The following MARCHF1 variants were observed in gnomAD, a reference collection of about 807,000 sequenced individuals.
The protein encoded by MARCHF1 is membrane associated ring-CH-type finger 1, also known as E3 ubiquitin-protein ligase MARCHF1.
MARCHF1 carries 40 observed loss-of-function variants against 54.2 expected under a neutral mutation model. The ratio of observed to expected loss-of-function variants is 0.74; its 90% CI spans 0.57 to 0.96. MARCHF1 has a LOEUF of 0.96. Ranked by LOEUF, MARCHF1 falls within the 40% of genes least tolerant of loss-of-function variation. MARCHF1 has a pLI of 0.00. For synonymous variants in MARCHF1, 236 were observed against 236.3 expected (o/e 1.00, Z 0.01); for missense variants, 586 against 656.5 (o/e 0.89, Z 1.17).
intron 3 of MARCHF1, among the ~76,000 whole-genome samples, chr4:163,952,865 C>T (rs1347451076): frequency 6.6e-6 from 1 of 152,092 alleles, no homozygotes; most frequent in Non-Finnish European, 1.5e-5. Flanking sequence ...AGGTGAGAAG[C>T]TCTGAGGTTA....
chr4:164,318,181 A>G (rs1377895443), intron 1 of MARCHF1, among the ~76,000 whole-genome samples: 1 of 152,224 alleles, frequency 6.6e-6, no homozygotes, highest in Non-Finnish European at 1.5e-5. Context: ...CATTTATAAC[A>G]AGTCTTTGCA....
intron 8 of MARCHF1, chr4:163,583,820 T>C (rs2110816250): frequency 1.3e-5 from 2 of 151,628 alleles, no homozygotes; most frequent in Admixed American, 1.3e-4. Flanking sequence ...AGGTTAATTT[T>C]TTTTTTTTAA....
At chr4:163,879,578 T>C (rs1750369584) in intron 3 of MARCHF1, among the ~76,000 whole-genome samples, 1 of 152,156 alleles carries the variant, frequency 6.6e-6, no homozygotes, top group Admixed American at 6.5e-5. Context: ...AAATAGTTTG[T>C]GTATGTGTGC....
chr4:164,028,104 T>C (rs1381942139), intron 2 of MARCHF1, among the ~76,000 whole-genome samples: 1 of 152,188 alleles, frequency 6.6e-6, no homozygotes, highest in African/African-American at 2.4e-5. Flanking sequence ...GAAAAGGGAA[T>C]GCTTATGCAG....
intron 5 of MARCHF1, among the ~76,000 whole-genome samples, chr4:163,627,591 T>C (rs546396824): frequency 6.6e-6 from 1 of 152,264 alleles, no homozygotes; most frequent in South Asian, 2.1e-4. Flanking sequence ...TTAAGTATCG[T>C]TCAATCTTAT....
chr4:164,083,955 T>C (rs1755148784), intron 2 of MARCHF1, among the ~76,000 whole-genome samples: 1 of 152,062 alleles, frequency 6.6e-6, no homozygotes, highest in South Asian at 2.1e-4. Flanking sequence ...TAATTTTTGC[T>C]TTTGTTTTTG....
chr4:164,294,537 C>A (rs78371948), intron 1 of MARCHF1, among the ~76,000 whole-genome samples: 1 of 152,244 alleles, frequency 6.6e-6, no homozygotes, highest in East Asian at 1.9e-4. Context: ...TGCTTCCTAA[C>A]GTTTTCTACA....
intron 1 of MARCHF1, among the ~76,000 whole-genome samples, chr4:164,280,105 T>G (rs541822271): frequency 9.5e-4 from 145 of 152,068 alleles, no homozygotes; most frequent in African/African-American, 3.4e-3. Context: ...TTATAGAGGT[T>G]AAAAACCTCT....
At position 163,586,852 on chromosome 4, in the gene MARCHF1, A is replaced by G. The variant is rs1579087457; in HGVS notation, c.1011-923T>C. On this transcript the variant is annotated intron_variant, in intron 7 of 9. Coordinates refer to ENST00000514618, the MANE Select transcript of MARCHF1 (RefSeq NM_001394959.1). ...AAAATTCTCAAAAATTTTAAAGTAT[A>G]ATGAAGGAATAAAGTTAATACAAGA... Among the ~76,000 whole-genome samples, 3 of 152,338 alleles carry G rather than the reference A, an allele frequency of 2.0e-5. No homozygotes were observed. In the Middle Eastern group the frequency reaches 0.01, roughly 518 times the overall value.
At chr4:163,579,104 T>C (rs1740133607) in intron 8 of MARCHF1, among the ~76,000 whole-genome samples, 1 of 152,198 alleles carries the variant, frequency 6.6e-6, no homozygotes, top group African/African-American at 2.4e-5. Context: ...AAAAGACTAA[T>C]TGACCTACTA....
intron 3 of MARCHF1, among the ~76,000 whole-genome samples, chr4:163,887,583 A>C (rs1012451306): frequency 3.9e-5 from 6 of 152,270 alleles, no homozygotes; most frequent in East Asian, 3.9e-4. Context: ...AGTGATGCAC[A>C]TGAACATGAA....
intron 2 of MARCHF1, among the ~76,000 whole-genome samples, chr4:164,056,597 C>T (rs62349967): frequency 0.013 from 1,909 of 152,148 alleles, 17 homozygotes; most frequent in Non-Finnish European, 0.02. Context: ...TATCCATTTC[C>T]GACTTGTTCA....
chr4:164,200,275 A>G (rs1201284563), intron 1 of MARCHF1, among the ~76,000 whole-genome samples: 2 of 152,226 alleles, frequency 1.3e-5, no homozygotes, highest in African/African-American at 4.8e-5. Context: ...ATATCATTGT[A>G]AACATTAAAT....
chr4:164,036,074 G>T (rs1426515895), intron 2 of MARCHF1, among the ~76,000 whole-genome samples: 6 of 142,772 alleles, frequency 4.2e-5, no homozygotes, highest in Non-Finnish European at 9.0e-5. Context: ...CTGCAATCCA[G>T]CCTGGGTGAT....
chr4:164,325,496 A>G (rs1735254021), intron 1 of MARCHF1, among the ~76,000 whole-genome samples: 1 of 152,094 alleles, frequency 6.6e-6, no homozygotes, highest in Non-Finnish European at 1.5e-5. Flanking sequence ...TCATATACAA[A>G]CATTAGTTTC....
intron 3 of MARCHF1, among the ~76,000 whole-genome samples, chr4:163,862,523 G>C (rs916210161): frequency 2.6e-5 from 4 of 152,004 alleles, no homozygotes; most frequent in Non-Finnish European, 5.9e-5. Flanking sequence ...ATACCTATTA[G>C]AGTGGCTAAA....
chr4:163,786,296 T>TTG (rs1579286003), intron 4 of MARCHF1, among the ~76,000 whole-genome samples: 1 of 152,162 alleles, frequency 6.6e-6, no homozygotes, highest in East Asian at 1.9e-4. Flanking sequence ...TAAAATTAAA[T>TTG]TGTGTAATCA....
intron 2 of MARCHF1, among the ~76,000 whole-genome samples, chr4:164,019,232 T>C (rs78991503): frequency 6.6e-6 from 1 of 152,208 alleles, no homozygotes; most frequent in East Asian, 1.9e-4. Flanking sequence ...TGAGTGGGTC[T>C]TCAATTGCGC....
At chr4:163,650,737 A>G (rs1742933848) in intron 5 of MARCHF1, among the ~76,000 whole-genome samples, 1 of 151,952 alleles carries the variant, frequency 6.6e-6, no homozygotes, top group Non-Finnish European at 1.5e-5. Flanking sequence ...AGCATTTATC[A>G]CTGTCTAAGC....
Sources: allele counts gnomAD v4.1 joint callset (sites outside exome capture counted in the v4.1 genomes callset), GRCh38; gene constraint gnomAD v4.1.1; transcripts MANE v1.5; gene names NCBI Gene and HGNC (gene_info 2026-07-23, HGNC 2026-07-21).